The following TSPEAR variants were observed in gnomAD, a reference collection of about 807,000 sequenced individuals.
TSPEAR encodes the protein thrombospondin type laminin G domain and EAR repeats, also known as thrombospondin-type laminin G domain and EAR repeat-containing protein.
TSPEAR carries 69 observed loss-of-function variants against 71.6 expected under a neutral mutation model. The ratio of observed to expected loss-of-function variants is 0.96; its 90% confidence interval spans 0.79 to 1.18. TSPEAR has a LOEUF of 1.18. TSPEAR is among the 50% of genes most tolerant of loss of function. TSPEAR has a pLI of 0.00. For synonymous variants in TSPEAR, 402 were observed against 387.2 expected, an observed-to-expected ratio of 1.04 and a Z score of -0.45; for missense variants, 971 against 894.9, an observed-to-expected ratio of 1.09 and a Z score of -1.09.
In TSPEAR at chr21:44,647,329, T is replaced by C. The variant is rs1555940404; in HGVS notation, c.82+64104A>G. The C allele has an allele frequency of 1.9e-6, 3 of 1,613,842 alleles. No homozygotes were observed. In the South Asian group the frequency reaches 3.3e-5, roughly 18 times the overall value. The stretch of plus-strand genomic sequence containing the variant: ...CTCCCGCCTGGCCTGCTACAGCCTC[T>C]GCTCAGGCAAGAAGTCCAGCTGCTG... On this transcript the variant is annotated intron_variant, in intron 1 of 11. Coordinates refer to ENST00000323084, the MANE Select transcript of TSPEAR (RefSeq NM_144991.3).
At chr21:44,707,302 T>TGC (rs1555952603) in intron 1 of TSPEAR, among the ~76,000 whole-genome samples, 6 of 135,858 alleles carry the variant, frequency 4.4e-5, no homozygotes, top group Admixed American at 7.0e-5. Flanking sequence ...GGACGCGGGG[T>TGC]GGGGGGGGGT....
Position 44,592,397 on chromosome 21 carries a change from C to T in TSPEAR, c.83-24392G>A, listed in dbSNP as rs782036193. 13 of 1,593,960 alleles carry T rather than the reference C, an allele frequency of 8.2e-6. No homozygotes were observed. In the Middle Eastern group the frequency reaches 7.0e-4, roughly 86 times the overall value. The stretch of plus-strand genomic sequence containing the variant: ...GGGCAGTCGTCCACCTGCCAGGAGT[C>T]GGAGCAAGAGTCACAGGAACCAGGA... On this transcript the variant is annotated intron_variant, in intron 1 of 11. Coordinates refer to ENST00000323084, the MANE Select transcript of TSPEAR (RefSeq NM_144991.3).
chr21:44,557,725 C>T (rs2053556513), intron 2 of TSPEAR: 1 of 371,978 alleles, frequency 2.7e-6, no homozygotes, highest in Admixed American at 4.1e-5. Flanking sequence ...CCGAAGCTCC[C>T]ACCCCACGCG....
intron 1 of TSPEAR, among the ~76,000 whole-genome samples, chr21:44,688,981 G>A (rs1162663147): frequency 3.9e-5 from 6 of 152,122 alleles, no homozygotes; most frequent in African/African-American, 7.2e-5. Context: ...TGAGGCTGGC[G>A]ATGGATGGAC....
chr21:44,573,192 C>A (rs904639117), intron 1 of TSPEAR, among the ~76,000 whole-genome samples: 2 of 152,102 alleles, frequency 1.3e-5, no homozygotes, highest in African/African-American at 4.8e-5. Context: ...TACTTAGAAC[C>A]CAAACAAACC....
intron 2 of TSPEAR, among the ~76,000 whole-genome samples, chr21:44,534,914 C>CG (rs2053062291): frequency 6.6e-6 from 1 of 152,196 alleles, no homozygotes; most frequent in South Asian, 2.1e-4. Flanking sequence ...CAGTGTGGTC[C>CG]AACCACACAG....
At chr21:44,603,514 G>A (rs1236889118) in intron 1 of TSPEAR, among the ~76,000 whole-genome samples, 1 of 152,202 alleles carries the variant, frequency 6.6e-6, no homozygotes, top group Non-Finnish European at 1.5e-5. Context: ...GCCCCAGCAA[G>A]CATCCAGGCA....
chr21:44,680,961 A>G (rs1320008529), intron 1 of TSPEAR, among the ~76,000 whole-genome samples: 1 of 152,224 alleles, frequency 6.6e-6, no homozygotes, highest in African/African-American at 2.4e-5. Flanking sequence ...TAGGGTGACT[A>G]CAGTTAACAA....
intron 1 of TSPEAR, chr21:44,676,815 CT>C: frequency 2.1e-6 from 2 of 942,846 alleles, no homozygotes; most frequent in East Asian, 2.4e-5. Context: ...CAAATGCCCA[CT>C]TTTCTTCCAG....
At chr21:44,586,822 T>A (rs1555925751) in intron 1 of TSPEAR, among the ~76,000 whole-genome samples, 1 of 152,180 alleles carries the variant, frequency 6.6e-6, no homozygotes, top group African/African-American at 2.4e-5. Flanking sequence ...CAGAAAAAGC[T>A]TTCGACAAAA....
At chr21:44,647,978 A>G (rs770502645) in intron 1 of TSPEAR, among the ~76,000 whole-genome samples, 25 of 152,236 alleles carry the variant, frequency 1.6e-4, no homozygotes, top group Non-Finnish European at 2.9e-4. Context: ...GGGAAGAAGC[A>G]GAAATCCCGT....
chr21:44,558,410 A>G lies in TSPEAR; in HGVS notation c.303+9375T>C, dbSNP rs113269424. ...CACAGCAGACTGGCTTGCAGCAGAC[A>G]GGCACGCAGCAGGCCTGCTGGCAGG... On this transcript the variant is annotated intron_variant, in intron 2 of 11. Coordinates refer to ENST00000323084, the MANE Select transcript of TSPEAR (RefSeq NM_144991.3). The G allele has an allele frequency of 4.8e-5, 77 of 1,613,358 alleles. No individual in the cohort carries two copies. In the Middle Eastern group the frequency reaches 5.0e-4, roughly 10 times the overall value.
At chr21:44,518,625 C>T (rs1451333303) in intron 9 of TSPEAR, 2 of 470,042 alleles carry the variant, frequency 4.3e-6, no homozygotes, top group South Asian at 1.5e-5. Flanking sequence ...CCTTTCCATC[C>T]AGGGTGCGCG....
At chr21:44,554,327 T>A (rs782165905) in intron 2 of TSPEAR, among the ~76,000 whole-genome samples, 6 of 152,218 alleles carry the variant, frequency 3.9e-5, no homozygotes, top group Non-Finnish European at 8.8e-5. Flanking sequence ...GACTTCCAGC[T>A]TCCAGAACTG....
At chr21:44,622,036 G>C (rs1982471902) in intron 1 of TSPEAR, among the ~76,000 whole-genome samples, 1 of 152,138 alleles carries the variant, frequency 6.6e-6, no homozygotes, top group Admixed American at 6.5e-5. Context: ...ACCCCATGGT[G>C]CTTAGTATTT....
rs1008716948 is a variant in TSPEAR at position 44,650,653 on chromosome 21, A to T, written c.82+60780T>A. 8.5e-5 allele frequency among the ~76,000 whole-genome samples: 13 copies of T among 152,356 alleles called. No homozygotes were observed. In the East Asian group the frequency reaches 2.3e-3, roughly 27 times the overall value. ...GACTGCAGTCCTCCAGAACCGTGAG[A>T]TGTGAGCTTCTGCCATGTCACATAG... On this transcript the variant is annotated intron_variant, in intron 1 of 11. Coordinates refer to ENST00000323084, the MANE Select transcript of TSPEAR (RefSeq NM_144991.3).
chr21:44,500,918 G>A (rs2052017729), intron 11 of TSPEAR, among the ~76,000 whole-genome samples: 1 of 152,166 alleles, frequency 6.6e-6, no homozygotes, highest in Admixed American at 6.5e-5. Context: ...TTTAACACAG[G>A]TGGTCGACCC....
At chr21:44,644,273 G>A (rs587683064) in intron 1 of TSPEAR, among the ~76,000 whole-genome samples, 4 of 152,316 alleles carry the variant, frequency 2.6e-5, no homozygotes, top group South Asian at 2.1e-4. Flanking sequence ...TGTGGCTGAC[G>A]TAAAAAGACT....
At chr21:44,656,759 T>C (rs986842234) in intron 1 of TSPEAR, among the ~76,000 whole-genome samples, 7 of 152,226 alleles carry the variant, frequency 4.6e-5, no homozygotes, top group Non-Finnish European at 8.8e-5. Context: ...AACTTATTTA[T>C]GGTTCAGTAT....
Sources: gnomAD v4.1 joint callset for allele counts (sites outside exome capture counted in the v4.1 genomes callset) on GRCh38, gnomAD v4.1.1 for gene constraint, MANE v1.5 for transcripts, NCBI Gene and HGNC (gene_info 2026-07-23, HGNC 2026-07-21) for gene names.